Variants in RNF32 observed in about 807,000 individuals in gnomAD.
RNF32 encodes ring finger protein 32.
Under a neutral mutation model 41.0 loss-of-function variants are expected in RNF32, and 36 were observed. The observed-to-expected ratio is 0.88, with a 90% confidence interval of 0.67 to 1.16. The LOEUF is 1.16. Ranked by LOEUF, RNF32 falls within the 50% of genes most tolerant of loss-of-function variation. The pLI is 0.00. For missense variants in RNF32, 413 were observed against 436.7 expected, an observed-to-expected ratio of 0.95 and a Z score of 0.48; for synonymous variants, 154 against 160.9, an observed-to-expected ratio of 0.96 and a Z score of 0.32.
Position 156,675,699 on chromosome 7 carries a change from A to G in RNF32, c.688A>G (p.Thr230Ala). Residue 230 changes from threonine to alanine, a missense_variant, in exon 8 of 9, where the codon ACA (threonine) becomes GCA (alanine). Thr to Ala is a moderately conservative substitution (Grantham distance 58). Coordinates refer to ENST00000317955, the MANE Select transcript of RNF32 (RefSeq NM_030936.4). The stretch of plus-strand genomic sequence containing the variant: ...CCCGCCCCCGCCTCCTCCTCAGTTC[A>G]CAGAAATCAGCCACCGCATCCTGTG... ...LRKKFFEKKF[T>A]EISHRILCSY... 6.2e-7 allele frequency: 1 copy of G among 1,609,856 alleles called. No homozygotes were observed. The highest frequency in any genetic ancestry group is 8.5e-7 in the Non-Finnish European group (1 of 1,176,802).
chr7:156,641,516 A>C (rs775032610), intron 1 of RNF32, among the ~76,000 whole-genome samples: 62 of 152,288 alleles, frequency 4.1e-4, no homozygotes, highest in Middle Eastern at 6.8e-3. Context: ...TGGTTTTCTC[A>C]TTTATAAAGT....
chr7:156,674,263 C>G (rs188142238), intron 7 of RNF32, among the ~76,000 whole-genome samples: 13 of 152,300 alleles, frequency 8.5e-5, no homozygotes, highest in African/African-American at 3.1e-4. Flanking sequence ...TGCCACCCCC[C>G]GGGCCTGGAG....
chr7:156,655,244 C>T (rs1799438911), intron 4 of RNF32, among the ~76,000 whole-genome samples: 1 of 149,796 alleles, frequency 6.7e-6, no homozygotes, highest in Non-Finnish European at 1.5e-5. Flanking sequence ...CGCGCGCACA[C>T]ACACACACAC....
chr7:156,651,481 T>C (rs897979642), intron 3 of RNF32, among the ~76,000 whole-genome samples: 3 of 152,194 alleles, frequency 2.0e-5, no homozygotes, highest in African/African-American at 4.8e-5. Context: ...CCCAAAGTGC[T>C]GAGATTACAG....
intron 3 of RNF32, among the ~76,000 whole-genome samples, chr7:156,646,945 G>A (rs766617136): frequency 5.9e-5 from 9 of 152,070 alleles, no homozygotes; most frequent in South Asian, 2.1e-4. Context: ...TCTGCCTTCC[G>A]GGTTCAAGTG....
At chr7:156,640,548 G>A (rs759268781), upstream of RNF32, 5 of 389,076 alleles carry the variant, frequency 1.3e-5, 1 homozygote, top group South Asian at 7.4e-5. Context: ...GCGTCTAGAC[G>A]CTGACGCCGT....
chr7:156,675,687 C>CA lies in RNF32; in HGVS notation c.685-9_685-8insA, dbSNP rs1563103851. ...GGTGTGAGCTTACCCGCCCCCGCCT[C>CA]CTCCTCAGTTCACAGAAATCAGCCA... is the stretch of plus-strand genomic sequence containing the variant. On this transcript the variant is annotated splice_polypyrimidine_tract_variant and intron_variant, in intron 7 of 8. Transcript: ENST00000317955. The CA allele has an allele frequency of 1.2e-6, 2 of 1,606,450 alleles. No individual in the cohort carries two copies. Among genetic ancestry groups the CA allele is most frequent in the African/African-American group, 1.3e-5 (1 of 74,760 alleles).
At chr7:156,668,306 C>T (rs2131600187) in intron 7 of RNF32, among the ~76,000 whole-genome samples, 1 of 152,218 alleles carries the variant, frequency 6.6e-6, no homozygotes, top group East Asian at 1.9e-4. Flanking sequence ...CATTCATGTG[C>T]AGTCAAGGAA....
intron 3 of RNF32, among the ~76,000 whole-genome samples, chr7:156,650,093 G>A (rs1798520068): frequency 6.6e-6 from 1 of 152,212 alleles, no homozygotes; most frequent in African/African-American, 2.4e-5. Flanking sequence ...AAATATACAA[G>A]CAACACACTG....
In RNF32 at chr7:156,659,621, T is replaced by C. The variant is rs560426783; in HGVS notation, c.684+1051T>C. The C allele has an allele frequency of 4.0e-4, 364 of 918,078 alleles. 6 individuals are homozygous for C. In the South Asian group the frequency reaches 0.015, roughly 38 times the overall value. 56.9% of individuals were successfully genotyped at this position (918,078 alleles called of 1,614,324 possible). On this transcript the variant is annotated intron_variant, in intron 7 of 8. Transcript: ENST00000317955. ...CAGATTTGATAGTCATTTTACCTTA[T>C]ATATATAAATATTTTTCATGTGCAC...
At position 156,669,957 on chromosome 7, in the gene RNF32, G is replaced by T. The variant is rs1372152510; in HGVS notation, c.685-5739G>T. On this transcript the variant is annotated intron_variant, in intron 7 of 8. Transcript: ENST00000317955. The surrounding 1 kb of genome is among the most constrained non-coding windows in gnomAD (Gnocchi z 4.2). ...TCCCTGTTTAAAAGAAAGAAAACAT[G>T]GGAAAGTGCCATCCAAGTACTAAAA... is the stretch of plus-strand genomic sequence containing the variant. Among the ~76,000 whole-genome samples the T allele has an allele frequency of 6.6e-6, 1 of 152,174 alleles. No homozygotes were observed. Among genetic ancestry groups the T allele is most frequent in the African/African-American group, 2.4e-5 (1 of 41,432 alleles).
upstream of RNF32, chr7:156,640,608 T>TG (rs1359638878): frequency 5.0e-6 from 2 of 398,724 alleles, no homozygotes; most frequent in Non-Finnish European, 9.8e-6. Flanking sequence ...GGACAGGGCG[T>TG]GGTTGGCAAG....
chr7:156,665,826 A>C (rs1047550643), intron 7 of RNF32, among the ~76,000 whole-genome samples: 14 of 152,206 alleles, frequency 9.2e-5, no homozygotes, highest in African/African-American at 3.4e-4. Flanking sequence ...TACCTTACCA[A>C]GTTAGAGGAA....
At chr7:156,646,587 A>G in intron 3 of RNF32, 1 of 1,049,084 alleles carries the variant, frequency 9.5e-7, no homozygotes, top group South Asian at 1.4e-5. Flanking sequence ...AGATGACACA[A>G]TTCAACCCAG....
intron 7 of RNF32, among the ~76,000 whole-genome samples, chr7:156,673,153 T>C (rs1430842206): frequency 6.6e-6 from 1 of 152,210 alleles, no homozygotes; most frequent in African/African-American, 2.4e-5. Flanking sequence ...CCAAAACTAA[T>C]CTCAGAACAT....
intron 3 of RNF32, among the ~76,000 whole-genome samples, chr7:156,645,956 C>T (rs371122025): frequency 6.6e-6 from 1 of 152,146 alleles, no homozygotes; most frequent in Non-Finnish European, 1.5e-5. Flanking sequence ...GACAATAATT[C>T]TGTAATGTCA....
intron 7 of RNF32, among the ~76,000 whole-genome samples, chr7:156,661,954 CA>C (rs1800729278): frequency 6.6e-6 from 1 of 152,180 alleles, no homozygotes; most frequent in Non-Finnish European, 1.5e-5. Context: ...ACACTCAGAT[CA>C]TAGTGAGGTT....
intron 3 of RNF32, among the ~76,000 whole-genome samples, chr7:156,650,249 C>G (rs1798541994): frequency 6.6e-6 from 1 of 152,184 alleles, no homozygotes; most frequent in African/African-American, 2.4e-5. Flanking sequence ...GGTGCACAGC[C>G]CCAGGGTCAG....
rs748529875 is a variant in RNF32 at position 156,658,245 on chromosome 7, G to T, written c.568G>T (p.Val190Leu). ...DGARLFRIKC[V>L]TRIQAYWRGC... ...GGCCCGCCTGTTCAGAATCAAGTGT[G>T]TGACCAGGTGAGGACGCCAGGCCCG... Residue 190 changes from valine to leucine, a missense_variant, in exon 6 of 9, where the codon GTG becomes TTG. By Grantham distance (32) the Val-to-Leu change is conservative. Coordinates refer to ENST00000317955, the MANE Select transcript of RNF32 (RefSeq NM_030936.4). 5 of 1,614,026 alleles carry T rather than the reference G, an allele frequency of 3.1e-6. 1 individual carries two copies. In the South Asian group the frequency reaches 3.3e-5, roughly 11 times the overall value.
Sources: allele counts gnomAD v4.1 joint callset (sites outside exome capture counted in the v4.1 genomes callset), GRCh38; gene constraint gnomAD v4.1.1; non-coding constraint Gnocchi (gnomAD v3.1); transcripts MANE v1.5; gene names NCBI Gene and HGNC (gene_info 2026-07-23, HGNC 2026-07-21).